Variants in LVRN observed in about 807,000 individuals in gnomAD.
LVRN encodes the protein laeverin.
In LVRN, 99 loss-of-function variants were observed where a neutral mutation model predicts 111.4. The ratio of observed to expected loss-of-function variants is 0.89; its 90% confidence interval spans 0.76 to 1.05. The LOEUF (loss-of-function observed/expected upper bound fraction) is 1.05. LVRN is among the 50% of genes least tolerant of loss of function. The pLI is 0.00. For synonymous variants in LVRN, 488 were observed against 449.5 expected, an observed-to-expected ratio of 1.09 and a Z score of -1.08; for missense variants, 1,414 against 1,206.8, an observed-to-expected ratio of 1.17 and a Z score of -2.54.
In LVRN at chr5:116,002,852, C is replaced by T; in HGVS notation, c.1838C>T (p.Pro613Leu). The T allele has an allele frequency of 6.2e-7, 1 of 1,609,114 alleles. No individual in the cohort carries two copies. The highest frequency in any genetic ancestry group is 2.2e-5 in the East Asian group (1 of 44,708). The change falls in exon 11 of 20, where the codon CCT (proline) becomes CTT (leucine). Residue 613 changes from proline (P) to leucine (L), a missense_variant. Pro to Leu is a moderately conservative substitution (Grantham distance 98). Transcript: ENST00000357872. ...CCAATAAGTGACACATGGATTGTCC[C>T]TATTCTTTGGATAAAAAATGGAACT... ...LLTSNDTWIV[P>L]ILWIKNGTTQ...
At position 115,984,612 on chromosome 5, in the gene LVRN, T is replaced by C; in HGVS notation, c.881T>C (p.Val294Ala). The C allele has an allele frequency of 6.2e-7, 1 of 1,613,656 alleles. No individual in the cohort carries two copies. ...KEDVNGSKWT[V>A]TTFSTTPHMP... ...GATGTGAATGGAAGCAAATGGACTGTTACAACCTTTTCCACTACGCCCCAC... is the reference window on the plus strand; with the variant it reads ...GATGTGAATGGAAGCAAATGGACTGCTACAACCTTTTCCACTACGCCCCAC... Residue 294 changes from valine to alanine, a missense_variant, in exon 3 of 20, where the codon GTT (valine) becomes GCT (alanine). Physicochemically the swap from Val to Ala is moderately conservative, Grantham distance 64 (BLOSUM62 0). Transcript: ENST00000357872.
At chr5:116,021,448 C>T (rs888604283) in intron 18 of LVRN, 9 of 152,930 alleles carry the variant, frequency 5.9e-5, no homozygotes, top group African/African-American at 2.2e-4. Flanking sequence ...TCGCTTGCCT[C>T]AATTATATGC....
At position 115,999,800 on chromosome 5, in the gene LVRN, CA is replaced by C; in HGVS notation, c.1414del (p.Arg472GlufsTer7). The C allele has an allele frequency of 1.2e-6, 2 of 1,613,314 alleles. No individual in the cohort carries two copies. Among genetic ancestry groups the C allele is most frequent in the South Asian group, 2.2e-5 (2 of 91,038 alleles). On this transcript the variant is annotated frameshift_variant, in exon 7 of 20. Transcript: ENST00000357872. LOFTEE classifies it high-confidence loss of function. ...TTTCTAACATTTTACATAATATCCTCAGAGAAGATCACGCCCTGGTGACTAG... is the reference window on the plus strand; with the variant it reads ...TTTCTAACATTTTACATAATATCCTCGAGAAGATCACGCCCTGGTGACTAG... ...FFSNILHNIL[R>X]EDHALVTRAV...
intron 15 of LVRN, among the ~76,000 whole-genome samples, chr5:116,012,960 A>G (rs138069935): frequency 1.3e-5 from 2 of 152,230 alleles, no homozygotes; most frequent in Non-Finnish European, 2.9e-5. Context: ...AATGACTTTC[A>G]TATTACTGGT....
At position 115,963,005 on chromosome 5, in the gene LVRN, C is replaced by A. The variant is rs747926812; in HGVS notation, c.388C>A (p.Arg130Ser). 2 of 1,613,654 alleles carry A rather than the reference C, an allele frequency of 1.2e-6. No homozygotes were observed. Among genetic ancestry groups the A allele is most frequent in the Non-Finnish European group, 1.7e-6 (2 of 1,179,916 alleles). The change falls in exon 1 of 20, where the codon CGC becomes AGC. Residue 130 changes from arginine (R) to serine (S), a missense_variant. By Grantham distance (110) the Arg-to-Ser change is moderately radical (BLOSUM62 -1). Coordinates refer to ENST00000357872, the MANE Select transcript of LVRN (RefSeq NM_173800.5). ...GGCCGGGTCTTTGCCCTTCACTGGC[C>A]GCGTGAACATCACGGTGCGCTGCAC... is the stretch of plus-strand genomic sequence containing the variant. ...LPAGSLPFTG[R>S]VNITVRCTVA...
chr5:115,981,251 T>C (rs1450131741), intron 1 of LVRN, among the ~76,000 whole-genome samples: 2 of 152,244 alleles, frequency 1.3e-5, no homozygotes, highest in African/African-American at 4.8e-5. Context: ...TTTTATTTTA[T>C]ATTATTTCTT....
chr5:115,976,721 T>C (rs140406198), intron 1 of LVRN, among the ~76,000 whole-genome samples: 1 of 152,354 alleles, frequency 6.6e-6, no homozygotes, highest in East Asian at 1.9e-4. Flanking sequence ...CATTATTTGC[T>C]TTCCAAATGT....
chr5:115,999,255 A>G (rs1212120341), intron 6 of LVRN, among the ~76,000 whole-genome samples: 1 of 152,238 alleles, frequency 6.6e-6, no homozygotes, highest in Non-Finnish European at 1.5e-5. Flanking sequence ...CCTTATCTTA[A>G]TGCATGAGCC....
rs967994569 is a variant in LVRN, at chr5:115,962,480, G to C, written c.-138G>C. 2 of 794,146 alleles carry C rather than the reference G, an allele frequency of 2.5e-6. No homozygotes were observed. Among genetic ancestry groups the C allele is most frequent in the African/African-American group, 3.4e-5 (2 of 58,434 alleles). 49.2% of individuals were successfully genotyped at this position (794,146 alleles called of 1,614,324 possible). Reference sequence around the variant, plus strand: ...ACCGCTGTCTGCTGAGCTCCAGTCCGTCCAGGCTCTTCCAGGAGGAAGAGG... The same window carrying C: ...ACCGCTGTCTGCTGAGCTCCAGTCCCTCCAGGCTCTTCCAGGAGGAAGAGG... On this transcript the variant is annotated 5_prime_UTR_variant, in exon 1 of 20. Transcript: ENST00000357872.
rs1748003485 is a variant in LVRN, at chr5:115,992,041, A to ATTTGAGAT, written c.1106-81_1106-80insTTGAGATT. The stretch of plus-strand genomic sequence containing the variant: ...TTCCCTTGAATTTTTTGGTAATTTT[A>ATTTGAGAT]TGATTTCATTTTGAGATATTTAAAA... On this transcript the variant is annotated intron_variant, in intron 4 of 19. Coordinates refer to ENST00000357872, the MANE Select transcript of LVRN (RefSeq NM_173800.5). 5.1e-6 allele frequency: 7 copies of ATTTGAGAT among 1,369,464 alleles called. No individual in the cohort carries two copies. The African/African-American group carries it at 1.0e-4, about 20-fold the overall frequency. The allele number at this position is 1,369,464 out of a possible 1,614,324, so 84.8% of individuals were successfully genotyped here. A position where few individuals can be genotyped will look rare whatever the true frequency, so the allele number is the denominator to read the frequency against.
intron 19 of LVRN, among the ~76,000 whole-genome samples, chr5:116,024,847 C>T (rs926162919): frequency 4.6e-5 from 7 of 152,098 alleles, no homozygotes; most frequent in African/African-American, 1.7e-4. Context: ...TAAGGTCCAG[C>T]GGTCCTGCTA....
At chr5:115,969,690 C>T (rs1380676367) in intron 1 of LVRN, among the ~76,000 whole-genome samples, 3 of 151,080 alleles carry the variant, frequency 2.0e-5, no homozygotes, top group East Asian at 2.0e-4. Flanking sequence ...GTCCCAGCTA[C>T]TCATGAGGCT....
intron 18 of LVRN, among the ~76,000 whole-genome samples, chr5:116,016,908 T>C (rs2112637283): frequency 6.6e-6 from 1 of 152,328 alleles, no homozygotes; most frequent in African/African-American, 2.4e-5. Context: ...TTTTCTTCTC[T>C]ATAGAGTAAT....
chr5:116,012,800 T>G (rs138751774), intron 15 of LVRN, among the ~76,000 whole-genome samples: 295 of 152,324 alleles, frequency 1.9e-3, no homozygotes, highest in African/African-American at 6.5e-3. Context: ...ACCAGTGAGT[T>G]GAAGGGCGTG....
intron 6 of LVRN, chr5:115,995,638 A>G (rs885122): frequency 0.39 from 59,918 of 152,042 alleles, 11,960 homozygotes; most frequent in South Asian, 0.48. Context: ...GGATGACGAT[A>G]ACAACAATAA....
chr5:115,999,825 A>G lies in LVRN; in HGVS notation c.1438A>G (p.Arg480Gly). ...CAGAGAAGATCACGCCCTGGTGACT[A>G]GAGCTGTGGCCATGAAGGTGGAAAA... ...ILREDHALVT[R>G]AVAMKVENFK... Residue 480 changes from arginine (R) to glycine (G), a missense_variant, in exon 7 of 20, where the codon AGA becomes GGA. Transcript: ENST00000357872. The G allele has an allele frequency of 6.2e-7, 1 of 1,613,210 alleles. No homozygotes were observed. Among genetic ancestry groups the G allele is most frequent in the African/African-American group, 1.3e-5 (1 of 75,018 alleles).
At chr5:115,963,406 G>A (rs1378095823) in intron 1 of LVRN, 94 bp downstream of exon 1, 4 of 962,902 alleles carry the variant, frequency 4.2e-6, no homozygotes, top group East Asian at 2.6e-5. Flanking sequence ...CCAGGTGCGC[G>A]TCTGCTGCCC....
intron 1 of LVRN, among the ~76,000 whole-genome samples, chr5:115,981,447 AT>A (rs926906149): frequency 1.4e-4 from 21 of 151,950 alleles, no homozygotes; most frequent in African/African-American, 4.3e-4. Flanking sequence ...TCAATTTTTA[AT>A]TTTTGTGGGT....
Position 115,962,716 on chromosome 5 carries a change from C to G in LVRN, c.99C>G (p.Leu33=), listed in dbSNP as rs759249440. Residue 33 remains leucine (L), a synonymous_variant, in exon 1 of 20, where the codon CTC becomes CTG. Transcript: ENST00000357872. Reference sequence around the variant, plus strand: ...CCCTCCTGCTGGCGCTGGCCGTACTCGCCGCCTTGTACGGCCACTGCGAGC... The same window carrying G: ...CCCTCCTGCTGGCGCTGGCCGTACTGGCCGCCTTGTACGGCCACTGCGAGC... The part of the protein sequence containing the change: ...VAALLLALAV[L]AALYGHCERV... 6.8e-6 allele frequency: 11 copies of G among 1,611,840 alleles called. No individual in the cohort carries two copies. Among genetic ancestry groups the G allele is most frequent in the African/African-American group, 6.7e-5 (5 of 74,906 alleles).
Sources: allele counts gnomAD v4.1 joint callset (sites outside exome capture counted in the v4.1 genomes callset), GRCh38; gene constraint gnomAD v4.1.1; transcripts MANE v1.5; gene names NCBI Gene and HGNC (gene_info 2026-07-23, HGNC 2026-07-21).